The following PPP2R3B variants were observed in gnomAD, a reference collection of about 807,000 sequenced individuals.
The protein encoded by PPP2R3B is serine/threonine-protein phosphatase 2A regulatory subunit B'' subunit beta.
A neutral mutation model predicts 72.9 loss-of-function variants in PPP2R3B; 68 were observed. The observed-to-expected ratio is 0.93, with a 90% CI of 0.77 to 1.14. The LOEUF (loss-of-function observed/expected upper bound fraction) is 1.14, where lower values mean the gene tolerates loss of function less well. PPP2R3B is among the 50% of genes most tolerant of loss of function. The pLI is 0.00. For missense variants in PPP2R3B, 1,018 were observed against 842.0 expected (o/e 1.21, Z -2.59); for synonymous variants, 466 against 375.8 (o/e 1.24, Z -2.78).
Position 346,440 on chromosome X carries a change from GGGGA to G in PPP2R3B, c.793-184_793-181del, listed in dbSNP as rs1043388361. The G allele has an allele frequency of 1.2e-5, 8 of 661,952 alleles. No individual in the cohort carries two copies. In the African/African-American group the frequency reaches 1.5e-4, roughly 13 times the overall value. 41.0% of individuals were successfully genotyped at this position (661,952 alleles called of 1,614,324 possible). A position where few individuals can be genotyped will look rare whatever the true frequency, so the allele number is the denominator to read the frequency against. On this transcript the variant is annotated intron_variant, in intron 5 of 12. Coordinates refer to ENST00000390665, the MANE Select transcript of PPP2R3B (RefSeq NM_013239.5). ...GGCGCCGCCCCAGGCCGCGGAAAGC[GGGGA>G]GGGTCTGGCCGGGGACGCCCCGGAG...
chrX:377,918 G>C (rs2072034447), intron 1 of PPP2R3B, among the ~76,000 whole-genome samples: 1 of 132,738 alleles, frequency 7.5e-6, no homozygotes, highest in Non-Finnish European at 1.6e-5. Context: ...TCCACACCCA[G>C]TGGGGCCACC....
At chrX:372,775 T>C (rs1227344494) in intron 1 of PPP2R3B, among the ~76,000 whole-genome samples, 1 of 152,088 alleles carries the variant, frequency 6.6e-6, no homozygotes, top group Non-Finnish European at 1.5e-5. Context: ...CTGGCCAACA[T>C]GGTGAAACCC....
intron 2 of PPP2R3B, among the ~76,000 whole-genome samples, chrX:352,986 A>G (rs893341801): frequency 4.0e-5 from 6 of 151,642 alleles, no homozygotes; most frequent in Non-Finnish European, 7.4e-5. Flanking sequence ...GTGTTGGAGC[A>G]GGGCTCTGCT....
At chrX:348,439 G>T (rs770912860) in intron 2 of PPP2R3B, among the ~76,000 whole-genome samples, 8 of 152,098 alleles carry the variant, frequency 5.3e-5, no homozygotes, top group Admixed American at 5.2e-4. Context: ...AGCCTGGCAT[G>T]GTGGCGGGCG....
chrX:346,345 C>G, intron 5 of PPP2R3B, 85 bp from the exon 6 acceptor site: 2 of 1,381,556 alleles, frequency 1.4e-6, no homozygotes, highest in East Asian at 5.0e-5. Flanking sequence ...GGGAGAGGGG[C>G]GCGCCCTTGG....
chrX:382,854 C>T (rs1386830611), intron 1 of PPP2R3B, among the ~76,000 whole-genome samples: 1 of 152,122 alleles, frequency 6.6e-6, no homozygotes, highest in Non-Finnish European at 1.5e-5. Context: ...TCATTCAACA[C>T]GTTTAAGGAC....
At chrX:338,293 G>A in intron 12 of PPP2R3B, 1 of 531,954 alleles carries the variant, frequency 1.9e-6, no homozygotes. Context: ...GATAAGGACA[G>A]ACGTCGTTGG....
At chrX:358,156 G>A (rs1302674699) in intron 2 of PPP2R3B, among the ~76,000 whole-genome samples, 3 of 152,176 alleles carry the variant, frequency 2.0e-5, no homozygotes, top group African/African-American at 7.2e-5. Flanking sequence ...CTGGGCCGGG[G>A]GCCCGGCTCA....
At chrX:341,724 G>A (rs1217453911) in intron 8 of PPP2R3B, 159 bp downstream of exon 8, 1 of 822,214 alleles carries the variant, frequency 1.2e-6, no homozygotes, top group Non-Finnish European at 2.1e-6. Flanking sequence ...CCCCCACTAG[G>A]GATTCACGTG....
chrX:357,558 A>G (rs1215407216), intron 2 of PPP2R3B, among the ~76,000 whole-genome samples: 1 of 152,240 alleles, frequency 6.6e-6, no homozygotes, highest in Non-Finnish European at 1.5e-5. Flanking sequence ...TTCTGTCAAG[A>G]AAGTGTCTAT....
intron 2 of PPP2R3B, among the ~76,000 whole-genome samples, chrX:352,461 C>A (rs752175631): frequency 7.2e-6 from 1 of 139,844 alleles, no homozygotes; most frequent in African/African-American, 2.7e-5. Flanking sequence ...CGGCCATCTG[C>A]GGACTTTTAG....
Position 347,649 on chromosome X carries a change from G to T in PPP2R3B, c.555C>A (p.Gly185=). Residue 185 remains glycine (G), a synonymous_variant, in exon 3 of 13, where the codon GGC becomes GGA. Transcript: ENST00000390665. ...CGGAGCCCGTGCGCTCCCCGCCGGC[G>T]CCATAGAAGAGCGGCCCCTTCCAGT... ...PLYWKGPLFY[G]AGGERTGSVS... The T allele has an allele frequency of 1.3e-6, 2 of 1,571,448 alleles. No homozygotes were observed. Among genetic ancestry groups the T allele is most frequent in the Admixed American group, 1.9e-5 (1 of 52,778 alleles).
At chrX:380,179 T>C (rs2072091709) in intron 1 of PPP2R3B, among the ~76,000 whole-genome samples, 1 of 152,150 alleles carries the variant, frequency 6.6e-6, no homozygotes, top group Non-Finnish European at 1.5e-5. Context: ...TGCAAACATT[T>C]TGTAATAAGA....
intron 3 of PPP2R3B, 76 bp from the exon 4 acceptor site, chrX:347,412 G>A (rs191073807): frequency 9.2e-6 from 13 of 1,407,392 alleles, no homozygotes; most frequent in African/African-American, 8.5e-5. Context: ...GGTGGAACAC[G>A]TGTGTGGTGT....
At chrX:359,167 C>G (rs757279431) in intron 2 of PPP2R3B, among the ~76,000 whole-genome samples, 1 of 152,374 alleles carries the variant, frequency 6.6e-6, no homozygotes, top group African/African-American at 2.4e-5. Context: ...GCCGGGCGCA[C>G]TCCGCGAGGG....
chrX:373,166 C>A (rs1198021546), intron 1 of PPP2R3B, among the ~76,000 whole-genome samples: 2 of 152,206 alleles, frequency 1.3e-5, no homozygotes, highest in South Asian at 4.1e-4. Context: ...AATTAAAAAT[C>A]TGTCTGCAGC....
chrX:345,784 T>TG (rs975768499), intron 6 of PPP2R3B, 112 bp from the exon 7 acceptor site: 15 of 125,766 alleles, frequency 1.2e-4, no homozygotes, highest in Admixed American at 3.6e-4. Flanking sequence ...GCTCCGTGGG[T>TG]GGGGGGGACT....
intron 1 of PPP2R3B, chrX:373,617 A>G: frequency 3.4e-6 from 1 of 293,514 alleles, no homozygotes; most frequent in Non-Finnish European, 7.2e-6. Flanking sequence ...CTCCTGGCGC[A>G]GGTCGGGGTC....
chrX:370,322 C>A (rs917866705), intron 1 of PPP2R3B, among the ~76,000 whole-genome samples: 2 of 152,152 alleles, frequency 1.3e-5, no homozygotes, highest in African/African-American at 4.8e-5. Context: ...TGACTGCAGC[C>A]GAGCAACCGG....
Sources: allele counts gnomAD v4.1 joint callset (sites outside exome capture counted in the v4.1 genomes callset), GRCh38; gene constraint gnomAD v4.1.1; transcripts MANE v1.5; gene names NCBI Gene and HGNC (gene_info 2026-07-23, HGNC 2026-07-21).